The following IHO1 variants were observed in gnomAD, a reference collection of about 807,000 sequenced individuals.
The protein encoded by IHO1 is interactor of HORMAD1 1.
A neutral mutation model predicts 31.0 loss-of-function variants in IHO1; 13 were observed. The ratio of observed to expected loss-of-function variants is 0.42; its 90% CI spans 0.27 to 0.67. The LOEUF is 0.67. Among genes scored for constraint, IHO1 ranks in the 30% least tolerant of loss-of-function variants. IHO1 has a pLI of 0.24. For synonymous variants in IHO1, 221 were observed against 248.4 expected (o/e 0.89, Z 1.04); for missense variants, 599 against 687.5 (o/e 0.87, Z 1.44).
In IHO1 at chr3:49,244,461, A is replaced by T; in HGVS notation, c.444+9A>T. ...GAGAAAGCATTCTCAGGGTAAGTAC[A>T]GATACTTTTCAAGGAGTTAGAACAT... On this transcript the variant is annotated intron_variant, in intron 5 of 7. Coordinates refer to ENST00000452691, the MANE Select transcript of IHO1 (RefSeq NM_001135197.2). 1 of 1,538,224 alleles carries T rather than the reference A, an allele frequency of 6.5e-7. No homozygotes were observed. The highest frequency in any genetic ancestry group is 8.9e-7 in the Non-Finnish European group (1 of 1,128,018).
intron 2 of IHO1, chr3:49,213,911 C>T (rs992075684): frequency 2.2e-5 from 8 of 364,662 alleles, no homozygotes; most frequent in African/African-American, 1.2e-4. Flanking sequence ...GGCTGAAGGG[C>T]TCCTCAAGCA....
intron 3 of IHO1, among the ~76,000 whole-genome samples, chr3:49,239,117 G>A (rs542985949): frequency 1.8e-4 from 28 of 152,016 alleles, no homozygotes; most frequent in South Asian, 1.7e-3. Flanking sequence ...GATTATAGGC[G>A]CCTGCCCCCA....
chr3:49,226,782 C>T (rs1424665422), intron 2 of IHO1, among the ~76,000 whole-genome samples: 1 of 152,188 alleles, frequency 6.6e-6, no homozygotes, highest in Non-Finnish European at 1.5e-5. Flanking sequence ...CTGCCCTAAA[C>T]CCTGTAGGAC....
intron 4 of IHO1, among the ~76,000 whole-genome samples, chr3:49,243,919 C>G (rs907196784): frequency 4.7e-5 from 7 of 149,926 alleles, no homozygotes; most frequent in African/African-American, 1.7e-4. Context: ...TAGCAGTGGT[C>G]ATAGGAAGTC....
intron 2 of IHO1, among the ~76,000 whole-genome samples, chr3:49,228,041 A>C (rs943971434): frequency 3.9e-5 from 6 of 152,202 alleles, no homozygotes; most frequent in Non-Finnish European, 8.8e-5. Context: ...GAAAAGCACC[A>C]GACAAGGAGT....
the IHO1 span, chr3:49,191,744 C>T: frequency 6.3e-7 from 1 of 1,586,284 alleles, no homozygotes; most frequent in Non-Finnish European, 8.5e-7. Flanking sequence ...TGCACTCTTA[C>T]CCAGGAGCCT....
At chr3:49,203,129 A>T (rs1473167355) in intron 1 of IHO1, among the ~76,000 whole-genome samples, 2 of 152,156 alleles carry the variant, frequency 1.3e-5, no homozygotes, top group African/African-American at 4.8e-5. Context: ...AGCCTCGCGA[A>T]GTGCTAGGAT....
chr3:49,218,503 T>C (rs1470658596), intron 2 of IHO1, among the ~76,000 whole-genome samples: 1 of 146,692 alleles, frequency 6.8e-6, no homozygotes, highest in East Asian at 2.2e-4. Context: ...TGCCTCAGAC[T>C]CCCAAGTAGC....
chr3:49,238,723 G>A (rs1461016309), intron 3 of IHO1, among the ~76,000 whole-genome samples: 1 of 152,172 alleles, frequency 6.6e-6, no homozygotes, highest in African/African-American at 2.4e-5. Context: ...ACTCAAGCTC[G>A]TCTTGTGACC....
At chr3:49,255,076 GA>G (rs1286488532) in intron 6 of IHO1, among the ~76,000 whole-genome samples, 10 of 150,276 alleles carry the variant, frequency 6.7e-5, no homozygotes, top group Non-Finnish European at 1.5e-4. Flanking sequence ...AAAAAAAAAA[GA>G]AAAAAAGTTT....
chr3:49,225,129 G>A (rs2046403184), intron 2 of IHO1, among the ~76,000 whole-genome samples: 1 of 152,200 alleles, frequency 6.6e-6, no homozygotes, highest in African/African-American at 2.4e-5. Flanking sequence ...GCGGGTCTGA[G>A]TAAGGACTCC....
At chr3:49,211,268 A>G (rs1406163271) in intron 1 of IHO1, among the ~76,000 whole-genome samples, 1 of 152,050 alleles carries the variant, frequency 6.6e-6, no homozygotes, top group South Asian at 2.1e-4. Flanking sequence ...TCGGCCTCCC[A>G]AAGTGCTGGG....
intron 6 of IHO1, among the ~76,000 whole-genome samples, chr3:49,248,939 G>A (rs930676212): frequency 2.6e-5 from 4 of 152,202 alleles, no homozygotes; most frequent in African/African-American, 4.8e-5. Context: ...CTATTCTAGA[G>A]CATTGAACTC....
chr3:49,212,410 G>A (rs1575567565), intron 2 of IHO1, among the ~76,000 whole-genome samples: 1 of 151,518 alleles, frequency 6.6e-6, no homozygotes, highest in African/African-American at 2.4e-5. Context: ...CAGCTACTGG[G>A]GAGGCTGAGG....
the IHO1 span, among the ~76,000 whole-genome samples, chr3:49,193,244 C>G: frequency 1.3e-5 from 2 of 151,508 alleles, no homozygotes; most frequent in Non-Finnish European, 2.9e-5. Flanking sequence ...TGGTGGCACA[C>G]GCCTGCGGTC....
At chr3:49,253,619 T>A (rs763290357) in intron 6 of IHO1, among the ~76,000 whole-genome samples, 1 of 152,108 alleles carries the variant, frequency 6.6e-6, no homozygotes, top group Non-Finnish European at 1.5e-5. Context: ...GTAATATTCT[T>A]TCCCTTACAG....
At chr3:49,208,069 G>A (rs1215098633) in intron 1 of IHO1, among the ~76,000 whole-genome samples, 2 of 152,178 alleles carry the variant, frequency 1.3e-5, no homozygotes, top group East Asian at 3.8e-4. Flanking sequence ...ACTGTGCCCG[G>A]CCAAATTTCT....
chr3:49,236,657 T>A lies in IHO1; in HGVS notation c.166T>A (p.Ser56Thr). ...QFCPENSETL[S>T]APLDFGAHLR... is the part of the protein sequence containing the mutation. ...CTGTCCAGAAAATTCAGAAACCCTA[T>A]CAGCACCCTTGGACTTTGGTGCCCA... Residue 56 changes from serine to threonine, a missense_variant, in exon 3 of 8, where the codon TCA becomes ACA. Transcript: ENST00000452691. 6.2e-7 allele frequency: 1 copy of A among 1,614,110 alleles called. No homozygotes were observed. Among genetic ancestry groups the A allele is most frequent in the Non-Finnish European group, 8.5e-7 (1 of 1,179,960 alleles).
Position 49,205,338 on chromosome 3 carries a change from T to C in IHO1, c.-16+5765T>C, listed in dbSNP as rs548624976. Reference sequence around the variant, plus strand: ...GAGGGCGACCAGAGGTCACTTTTTTTTTTTTTTTGAGACACTGTCACCCAG... The same window carrying C: ...GAGGGCGACCAGAGGTCACTTTTTTCTTTTTTTTGAGACACTGTCACCCAG... On this transcript the variant is annotated intron_variant, in intron 1 of 7. Transcript: ENST00000452691. 2.6e-5 allele frequency among the ~76,000 whole-genome samples: 4 copies of C among 152,194 alleles called. No homozygotes were observed. The South Asian group carries it at 8.3e-4, about 32-fold the overall frequency.
Sources: allele counts gnomAD v4.1 joint callset (sites outside exome capture counted in the v4.1 genomes callset), GRCh38; gene constraint gnomAD v4.1.1; transcripts MANE v1.5; gene names NCBI Gene and HGNC (gene_info 2026-07-23, HGNC 2026-07-21).